The following ATP6V1C2 variants were observed in gnomAD, a reference collection of about 807,000 sequenced individuals.
ATP6V1C2 encodes V-type proton ATPase subunit C 2.
In ATP6V1C2, 45 loss-of-function variants were observed where a neutral mutation model predicts 56.8. The observed-to-expected ratio is 0.79, with a 90% CI of 0.62 to 1.02. The LOEUF (loss-of-function observed/expected upper bound fraction) is 1.02, where lower values mean the gene tolerates loss of function less well. ATP6V1C2 is among the 50% of genes least tolerant of loss of function. The probability of loss-of-function intolerance (pLI) is 0.00; values close to 1 mark genes in which losing one functional copy is unlikely to be tolerated. For synonymous variants in ATP6V1C2, 220 were observed against 201.3 expected (o/e 1.09, Z -0.79); for missense variants, 463 against 519.7 (o/e 0.89, Z 1.06).
At chr2:10,734,173 G>A (rs1265361139) in intron 3 of ATP6V1C2, among the ~76,000 whole-genome samples, 1 of 152,132 alleles carries the variant, frequency 6.6e-6, no homozygotes, top group Non-Finnish European at 1.5e-5. Flanking sequence ...CAGCCCTACT[G>A]TGTGTGTCTG....
At chr2:10,744,673 T>C (rs973462334) in intron 3 of ATP6V1C2, among the ~76,000 whole-genome samples, 9 of 135,588 alleles carry the variant, frequency 6.6e-5, no homozygotes, top group Non-Finnish European at 1.2e-4. Context: ...CTTTTTCTTT[T>C]TTTTTTTTTT....
At chr2:10,727,285 G>C (rs1242605761) in intron 3 of ATP6V1C2, among the ~76,000 whole-genome samples, 4 of 151,644 alleles carry the variant, frequency 2.6e-5, no homozygotes, top group Non-Finnish European at 5.9e-5. Context: ...TTCCAGGCTA[G>C]TTTCGAAGTC....
At chr2:10,756,039 T>C (rs1235960130) in intron 4 of ATP6V1C2, among the ~76,000 whole-genome samples, 2 of 152,180 alleles carry the variant, frequency 1.3e-5, no homozygotes, top group Non-Finnish European at 1.5e-5. Flanking sequence ...CATGATTCTA[T>C]GCGTATATAT....
chr2:10,743,992 AAAAAAT>A (rs779576999), intron 3 of ATP6V1C2, among the ~76,000 whole-genome samples: 964 of 32,808 alleles, frequency 0.029, 9 homozygotes, highest in Non-Finnish European at 0.098. Context: ...AAAAAAAAAA[AAAAAAT>A]AATAATAATA....
chr2:10,728,992 C>T (rs1051338164), intron 3 of ATP6V1C2, among the ~76,000 whole-genome samples: 22 of 146,822 alleles, frequency 1.5e-4, no homozygotes, highest in Non-Finnish European at 2.4e-4. Flanking sequence ...TAGTTGGGTG[C>T]GGTGGCTGGC....
intron 3 of ATP6V1C2, among the ~76,000 whole-genome samples, chr2:10,741,951 C>T (rs1343546614): frequency 6.8e-6 from 1 of 148,106 alleles, no homozygotes; most frequent in African/African-American, 2.5e-5. Flanking sequence ...CGCCCTGTGG[C>T]TTAGGCTGGA....
intron 3 of ATP6V1C2, among the ~76,000 whole-genome samples, chr2:10,743,155 T>C (rs967013701): frequency 1.3e-5 from 2 of 152,168 alleles, no homozygotes; most frequent in Non-Finnish European, 2.9e-5. Context: ...CTCACTCTGT[T>C]GCCCAGGCTG....
intron 5 of ATP6V1C2, chr2:10,767,989 T>C (rs1365956791): frequency 4.6e-5 from 7 of 152,246 alleles, no homozygotes; most frequent in Admixed American, 4.6e-4. Flanking sequence ...TGGCATTCTA[T>C]GGAGCACCCA....
chr2:10,777,266 G>A (rs1413892565), intron 10 of ATP6V1C2, among the ~76,000 whole-genome samples: 1 of 152,238 alleles, frequency 6.6e-6, no homozygotes, highest in East Asian at 1.9e-4. Flanking sequence ...TCCCGGTGCT[G>A]TCCTGGTCGG....
At chr2:10,722,585 CCCT>C (rs1159331032) in intron 1 of ATP6V1C2, among the ~76,000 whole-genome samples, 2 of 152,134 alleles carry the variant, frequency 1.3e-5, no homozygotes, top group African/African-American at 2.4e-5. Flanking sequence ...AGGAACCTCT[CCCT>C]CCTCCTCTGC....
intron 3 of ATP6V1C2, among the ~76,000 whole-genome samples, chr2:10,745,816 C>G (rs553084028): frequency 1.3e-5 from 2 of 152,294 alleles, no homozygotes; most frequent in Admixed American, 6.5e-5. Flanking sequence ...TTTCTACTTT[C>G]TCTCTGTATG....
chr2:10,753,283 G>A (rs1417531414), intron 3 of ATP6V1C2, among the ~76,000 whole-genome samples: 4 of 152,184 alleles, frequency 2.6e-5, no homozygotes, highest in Non-Finnish European at 5.9e-5. Flanking sequence ...TATAATACAC[G>A]CCTTGTTCCA....
At chr2:10,765,544 C>T (rs1479169670) in intron 5 of ATP6V1C2, among the ~76,000 whole-genome samples, 3 of 152,264 alleles carry the variant, frequency 2.0e-5, no homozygotes, top group African/African-American at 4.8e-5. Context: ...CTGCAGGTCT[C>T]CTGGAAAGTA....
Position 10,727,207 on chromosome 2 carries a change from C to G in ATP6V1C2, c.197+638C>G, listed in dbSNP as rs545073946. On this transcript the variant is annotated intron_variant, in intron 3 of 13. Coordinates refer to ENST00000272238, the MANE Select transcript of ATP6V1C2 (RefSeq NM_001039362.2). ...GCCTCAGCATCCTGAGTAGCTGGGACTACAGACACCCTCCACCATGCCCAG... is the reference window on the plus strand; with the variant it reads ...GCCTCAGCATCCTGAGTAGCTGGGAGTACAGACACCCTCCACCATGCCCAG... 2.3e-4 allele frequency among the ~76,000 whole-genome samples: 35 copies of G among 152,038 alleles called. No individual in the cohort carries two copies. The East Asian group carries it at 6.8e-3, about 30-fold the overall frequency.
At chr2:10,744,483 A>G (rs1343603124) in intron 3 of ATP6V1C2, among the ~76,000 whole-genome samples, 1 of 152,100 alleles carries the variant, frequency 6.6e-6, no homozygotes, top group Non-Finnish European at 1.5e-5. Flanking sequence ...CTGTGAACCT[A>G]TAGACGAGCA....
chr2:10,745,843 G>A (rs544888158), intron 3 of ATP6V1C2, among the ~76,000 whole-genome samples: 143 of 152,162 alleles, frequency 9.4e-4, no homozygotes, highest in African/African-American at 3.3e-3. Flanking sequence ...GCTATTTTAC[G>A]TACCTCCTAT....
chr2:10,766,676 C>G (rs1021256623), intron 5 of ATP6V1C2, among the ~76,000 whole-genome samples: 2 of 152,116 alleles, frequency 1.3e-5, no homozygotes, highest in African/African-American at 4.8e-5. Flanking sequence ...TGATACTGCA[C>G]TATGACGGTA....
chr2:10,758,808 C>T (rs1213071827), intron 4 of ATP6V1C2, among the ~76,000 whole-genome samples: 1 of 151,896 alleles, frequency 6.6e-6, no homozygotes, highest in Non-Finnish European at 1.5e-5. Flanking sequence ...GACTGTAGTC[C>T]CAGGCGTGTG....
chr2:10,726,053 C>T (rs977196994), intron 2 of ATP6V1C2, among the ~76,000 whole-genome samples: 1 of 152,060 alleles, frequency 6.6e-6, no homozygotes, highest in African/African-American at 2.4e-5. Flanking sequence ...TCACTCCAGC[C>T]TGGGCAACAA....
Sources: gnomAD v4.1 joint callset for allele counts (sites outside exome capture counted in the v4.1 genomes callset) on GRCh38, gnomAD v4.1.1 for gene constraint, MANE v1.5 for transcripts, NCBI Gene and HGNC (gene_info 2026-07-23, HGNC 2026-07-21) for gene names.